ANKFN1: variants seen among roughly 807,000 people sequenced by gnomAD.
The protein encoded by ANKFN1 is ankyrin repeat and fibronectin type-III domain-containing protein 1.
Under a neutral mutation model 108.7 loss-of-function variants are expected in ANKFN1, and 74 were observed. The ratio of observed to expected loss-of-function variants is 0.68; its 90% CI spans 0.56 to 0.83. ANKFN1 has a LOEUF of 0.83. ANKFN1 is among the 40% of genes least tolerant of loss of function. The pLI, the probability that ANKFN1 is intolerant of heterozygous loss-of-function variation, is 0.00. For synonymous variants in ANKFN1, 547 were observed against 516.2 expected, an observed-to-expected ratio of 1.06 and a Z score of -0.81; for missense variants, 1,505 against 1,382.3, an observed-to-expected ratio of 1.09 and a Z score of -1.41.
intron 4 of ANKFN1, among the ~76,000 whole-genome samples, chr17:56,049,099 T>C (rs1272517446): frequency 2.6e-5 from 4 of 152,260 alleles, no homozygotes; most frequent in Non-Finnish European, 5.9e-5. Flanking sequence ...TTTCAGTTTC[T>C]ACCTGCTGTG....
rs552627179 is a variant in ANKFN1 at position 56,360,269 on chromosome 17, G to A, written c.601+6223G>A. Among the ~76,000 whole-genome samples, 5 of 152,172 alleles carry A rather than the reference G, an allele frequency of 3.3e-5. No homozygotes were observed. The East Asian group carries it at 9.7e-4, about 29-fold the overall frequency. Reference sequence around the variant, plus strand: ...TAACATGCCAGGCTATCTTACCATAGGGCCTTTGTACTGGCTATTCCATCT... The same window carrying A: ...TAACATGCCAGGCTATCTTACCATAAGGCCTTTGTACTGGCTATTCCATCT... On this transcript the variant is annotated intron_variant, in intron 6 of 20. Coordinates refer to ENST00000682825, the MANE Select transcript of ANKFN1 (RefSeq NM_001370326.1).
intron 8 of ANKFN1, among the ~76,000 whole-genome samples, chr17:56,434,781 T>TTC (rs57734269): frequency 0.55 from 82,240 of 150,306 alleles, 25,995 homozygotes; most frequent in East Asian, 0.86. Context: ...CGGCACGTCC[T>TTC]TCTCTCTCTC....
At chr17:56,177,265 C>T (rs535917221) in intron 1 of ANKFN1, among the ~76,000 whole-genome samples, 14 of 152,210 alleles carry the variant, frequency 9.2e-5, no homozygotes, top group Non-Finnish European at 1.8e-4. Context: ...CCAAGCTTCA[C>T]GGGGTCCATG....
At position 56,423,938 on chromosome 17, in the gene ANKFN1, T is replaced by C. The variant is rs80086746; in HGVS notation, c.911-16389T>C. ...TGCTCAGGAATGTATTGGCTTTATA[T>C]GTAGAAACCTGAGTACATAAAGATG... On this transcript the variant is annotated intron_variant, in intron 8 of 20. Coordinates refer to ENST00000682825, the MANE Select transcript of ANKFN1 (RefSeq NM_001370326.1). Among the ~76,000 whole-genome samples, 1,046 of 152,344 alleles carry C rather than the reference T, an allele frequency of 6.9e-3. 7 individuals carry two copies. Among genetic ancestry groups the C allele is most frequent in the Non-Finnish European group, 0.012 (785 of 68,030 alleles).
intron 8 of ANKFN1, among the ~76,000 whole-genome samples, chr17:56,396,459 A>T (rs1388856444): frequency 2.0e-5 from 3 of 152,202 alleles, no homozygotes; most frequent in Admixed American, 2.0e-4. Context: ...AAAAAAAAAG[A>T]ACATCGAACA....
At chr17:56,173,929 C>T (rs1910898159) in intron 1 of ANKFN1, among the ~76,000 whole-genome samples, 1 of 152,228 alleles carries the variant, frequency 6.6e-6, no homozygotes, top group Non-Finnish European at 1.5e-5. Context: ...ATATTAATTA[C>T]TTGGCTGACA....
At chr17:56,159,041 A>C (rs941686449) in intron 1 of ANKFN1, among the ~76,000 whole-genome samples, 3 of 149,756 alleles carry the variant, frequency 2.0e-5, no homozygotes. Context: ...GCCAAAAAAA[A>C]AAAAAAAAAA....
chr17:56,050,295 C>A (rs1278143197), intron 4 of ANKFN1, among the ~76,000 whole-genome samples: 1 of 149,358 alleles, frequency 6.7e-6, no homozygotes, highest in Non-Finnish European at 1.5e-5. Context: ...GATATTAGCC[C>A]TTTGTCAGAT....
chr17:56,057,144 A>T (rs1231839160), intron 4 of ANKFN1, among the ~76,000 whole-genome samples: 2 of 152,198 alleles, frequency 1.3e-5, no homozygotes, highest in East Asian at 3.9e-4. Flanking sequence ...AGATTGCAGC[A>T]ATTCAGTCAC....
At chr17:56,241,265 C>A (rs546944377) in intron 3 of ANKFN1, among the ~76,000 whole-genome samples, 1 of 151,976 alleles carries the variant, frequency 6.6e-6, no homozygotes, top group Admixed American at 6.6e-5. Context: ...CAGAGTGAGA[C>A]CCTGTTCTAA....
At chr17:56,075,488 C>T (rs1905170897) in intron 4 of ANKFN1, among the ~76,000 whole-genome samples, 1 of 152,074 alleles carries the variant, frequency 6.6e-6, no homozygotes, top group Non-Finnish European at 1.5e-5. Flanking sequence ...ATTGCACATG[C>T]TCCAGCCCCA....
At chr17:56,198,494 C>T (rs987158758) in intron 1 of ANKFN1, among the ~76,000 whole-genome samples, 2 of 152,166 alleles carry the variant, frequency 1.3e-5, no homozygotes, top group African/African-American at 4.8e-5. Context: ...CTGCTCACCT[C>T]CTGCCGTGTG....
chr17:56,278,126 C>T (rs931477157), intron 3 of ANKFN1, among the ~76,000 whole-genome samples: 1 of 152,180 alleles, frequency 6.6e-6, no homozygotes, highest in African/African-American at 2.4e-5. Flanking sequence ...TTTGAATTAC[C>T]TATCCACAAC....
intron 11 of ANKFN1, among the ~76,000 whole-genome samples, chr17:56,450,270 G>GAA (rs144443488): frequency 5.4e-5 from 8 of 148,608 alleles, no homozygotes; most frequent in African/African-American, 2.0e-4. Flanking sequence ...TTTTTTAAAA[G>GAA]AAAAAAAAAA....
chr17:56,200,220 C>T (rs1913924655), intron 1 of ANKFN1, among the ~76,000 whole-genome samples: 1 of 152,098 alleles, frequency 6.6e-6, no homozygotes, highest in Non-Finnish European at 1.5e-5. Context: ...AAAAGTACAG[C>T]CAGTTTTTAA....
chr17:56,373,737 A>T (rs958883574), intron 7 of ANKFN1, among the ~76,000 whole-genome samples: 4 of 152,236 alleles, frequency 2.6e-5, no homozygotes, highest in Non-Finnish European at 5.9e-5. Context: ...TGCTTTCAAC[A>T]TCAACACTCT....
At position 56,306,474 on chromosome 17, in the gene ANKFN1, G is replaced by A. The variant is rs150688312; in HGVS notation, c.54-19747G>A. On this transcript the variant is annotated intron_variant, in intron 3 of 20. Coordinates refer to ENST00000682825, the MANE Select transcript of ANKFN1 (RefSeq NM_001370326.1). ...CCAAATCATGAGTGAACTCCCACTC[G>A]CAATTGCTTCAAAGAGAATAAAATA... Among the ~76,000 whole-genome samples the A allele has an allele frequency of 5.6e-3, 854 of 152,144 alleles. 3 individuals are homozygous for A. Among genetic ancestry groups the A allele is most frequent in the African/African-American group, 0.017 (703 of 41,520 alleles).
intron 5 of ANKFN1, among the ~76,000 whole-genome samples, chr17:56,352,232 G>C (rs1205642968): frequency 1.3e-5 from 2 of 152,132 alleles, no homozygotes; most frequent in Admixed American, 1.3e-4. Context: ...TATTCCCTGG[G>C]TCCCCATTGT....
At position 56,513,966 on chromosome 17, in the gene ANKFN1, C is replaced by T. The variant is rs1332428856; in HGVS notation, c.*2697C>T. 6.6e-6 allele frequency among the ~76,000 whole-genome samples: 1 copy of T among 152,232 alleles called. No homozygotes were observed. The highest frequency in any genetic ancestry group is 6.5e-5 in the Admixed American group (1 of 15,284). Reference sequence around the variant, plus strand: ...ATTAATACATTCTTGTGAGAGACAACTGTGTTCTCTAATTCACAGTCCTTT... The same window carrying T: ...ATTAATACATTCTTGTGAGAGACAATTGTGTTCTCTAATTCACAGTCCTTT... On this transcript the variant is annotated 3_prime_UTR_variant, in exon 21 of 21. Coordinates refer to ENST00000682825, the MANE Select transcript of ANKFN1 (RefSeq NM_001370326.1).
Sources: gnomAD v4.1 joint callset for allele counts (sites outside exome capture counted in the v4.1 genomes callset) on GRCh38, gnomAD v4.1.1 for gene constraint, MANE v1.5 for transcripts, NCBI Gene and HGNC (gene_info 2026-07-23, HGNC 2026-07-21) for gene names.